The following TOM1L2 variants were observed in gnomAD, a reference collection of about 807,000 sequenced individuals.
TOM1L2 encodes target of myb1 like 2 membrane trafficking protein, also known as TOM1-like protein 2.
A neutral mutation model predicts 67.9 loss-of-function variants in TOM1L2; 31 were observed. The ratio of observed to expected loss-of-function variants is 0.46; its 90% CI spans 0.34 to 0.62. The LOEUF (loss-of-function observed/expected upper bound fraction) is 0.62, where lower values mean the gene tolerates loss of function less well. TOM1L2 is among the 20% of genes least tolerant of loss of function. The pLI is 0.01. For synonymous variants in TOM1L2, 256 were observed against 254.0 expected (o/e 1.01, Z -0.07); for missense variants, 606 against 663.5 (o/e 0.91, Z 0.95).
At chr17:17,866,727 G>T in intron 9 of TOM1L2, 149 bp downstream of exon 9, 1 of 871,240 alleles carries the variant, frequency 1.1e-6, no homozygotes, top group Non-Finnish European at 1.9e-6. Context: ...TGCTAGCTCT[G>T]CCCTAGTATC....
In TOM1L2 at chr17:17,843,643, C is replaced by T. The variant is rs969898424; in HGVS notation, c.*3992G>A. ...GGGTGCACTGACCCACCCTCCAGAA[C>T]CAGCTCTGCCCACAGAAACACATGA... is the stretch of plus-strand genomic sequence containing the variant. On this transcript the variant is annotated 3_prime_UTR_variant, in exon 15 of 15. Transcript: ENST00000379504. 2.0e-5 allele frequency: 3 copies of T among 152,208 alleles called. No homozygotes were observed. The highest frequency in any genetic ancestry group is 4.8e-5 in the African/African-American group (2 of 41,286). 9.4% of individuals were successfully genotyped at this position (152,208 alleles called of 1,614,324 possible).
chr17:17,857,979 C>G, intron 12 of TOM1L2: 1 of 812,416 alleles, frequency 1.2e-6, no homozygotes, highest in Non-Finnish European at 2.0e-6. Context: ...GCCCTGCTCC[C>G]AACCTCCACC....
intron 1 of TOM1L2, among the ~76,000 whole-genome samples, chr17:17,919,746 G>C (rs1270860801): frequency 1.3e-5 from 2 of 152,152 alleles, no homozygotes; most frequent in African/African-American, 4.8e-5. Context: ...CAAGGAAATG[G>C]CTCTCATTCT....
intron 7 of TOM1L2, 185 bp from the exon 8 acceptor site, chr17:17,869,658 G>A (rs1034005079): frequency 2.0e-5 from 28 of 1,382,572 alleles, no homozygotes; most frequent in African/African-American, 2.9e-5. Flanking sequence ...TCCTTCCGCA[G>A]AGGAAACAAG....
chr17:17,884,822 T>A, intron 4 of TOM1L2, 54 bp from the exon 5 acceptor site: 1 of 1,607,798 alleles, frequency 6.2e-7, no homozygotes, highest in Non-Finnish European at 8.5e-7. Flanking sequence ...CCATGGTATC[T>A]GAAAATCCAA....
intron 13 of TOM1L2, among the ~76,000 whole-genome samples, chr17:17,849,908 C>G (rs945006268): frequency 2.0e-5 from 3 of 152,220 alleles, no homozygotes; most frequent in Non-Finnish European, 4.4e-5. Context: ...AGGCAGCTGC[C>G]TTCTTTGGCA....
At chr17:17,893,921 C>T in intron 3 of TOM1L2, 111 bp from the exon 4 acceptor site, 1 of 1,150,502 alleles carries the variant, frequency 8.7e-7, no homozygotes, top group Non-Finnish European at 1.2e-6. Flanking sequence ...GCTCCTAGAT[C>T]AGCTTTCTGA....
In TOM1L2 at chr17:17,869,308, G is replaced by A. The variant is rs1276115376; in HGVS notation, c.911+32C>T. 371 of 1,517,064 alleles carry A rather than the reference G, an allele frequency of 2.4e-4. No homozygotes were observed. The African/African-American group carries it at 4.4e-3, about 18-fold the overall frequency. The allele number at this position is 1,517,064 out of a possible 1,614,324, so 94.0% of individuals were successfully genotyped here. A position where few individuals can be genotyped will look rare whatever the true frequency, so the allele number is the denominator to read the frequency against. ...TGTTATGGCAACAATCTTTTCAAGGGAAAAAAAAAAAAAAAGAAATCCGGC... is the reference window on the plus strand; with the variant it reads ...TGTTATGGCAACAATCTTTTCAAGGAAAAAAAAAAAAAAAAGAAATCCGGC... On this transcript the variant is annotated intron_variant, in intron 8 of 14. Transcript: ENST00000379504.
chr17:17,894,975 A>ATGCATGCATGCATGCATG (rs1555598777), intron 3 of TOM1L2, among the ~76,000 whole-genome samples: 7 of 147,690 alleles, frequency 4.7e-5, no homozygotes, highest in Non-Finnish European at 7.5e-5. Context: ...ATACATACAT[A>ATGCATGCATGCATGCATG]CATGCATGCA....
chr17:17,886,820 T>A lies in TOM1L2; in HGVS notation c.367-2052A>T, dbSNP rs28595155. 9.2e-3 allele frequency among the ~76,000 whole-genome samples: 1,400 copies of A among 152,278 alleles called. 20 individuals carry two copies. Among genetic ancestry groups the A allele is most frequent in the African/African-American group, 0.03 (1,231 of 41,490 alleles). On this transcript the variant is annotated intron_variant, in intron 4 of 14. Transcript: ENST00000379504. ...CTTTCTAAGGCACTCTGCTTCCATG[T>A]TCACAGAGACAGACTGGAGTGGGAG...
intron 2 of TOM1L2, among the ~76,000 whole-genome samples, chr17:17,901,589 T>C (rs1268971185): frequency 6.6e-6 from 1 of 152,182 alleles, no homozygotes; most frequent in Non-Finnish European, 1.5e-5. Flanking sequence ...GGAAAAGCTT[T>C]CTCCTCATCA....
intron 7 of TOM1L2, chr17:17,872,149 A>C: frequency 1.9e-6 from 1 of 523,148 alleles, no homozygotes; most frequent in Non-Finnish European, 2.5e-6. Flanking sequence ...AACCAACAAC[A>C]CAGGGGAAAC....
intron 7 of TOM1L2, among the ~76,000 whole-genome samples, chr17:17,878,123 T>C (rs1418794720): frequency 6.6e-6 from 1 of 152,212 alleles, no homozygotes; most frequent in African/African-American, 2.4e-5. Context: ...TGCATCTGGG[T>C]AACGCCTGGC....
intron 3 of TOM1L2, among the ~76,000 whole-genome samples, chr17:17,895,025 T>C (rs2038494317): frequency 6.6e-6 from 1 of 151,932 alleles, no homozygotes; most frequent in South Asian, 2.1e-4. Flanking sequence ...GTATCCTGCA[T>C]AGGGGAGGTG....
intron 1 of TOM1L2, 122 bp downstream of exon 1, chr17:17,972,140 G>A (rs1204551381): frequency 1.9e-5 from 23 of 1,236,834 alleles, no homozygotes; most frequent in Non-Finnish European, 2.4e-5. Context: ...AGTGGCACCC[G>A]CGGCTGGCGG....
At chr17:17,936,717 T>G (rs1470917617) in intron 1 of TOM1L2, among the ~76,000 whole-genome samples, 3 of 152,188 alleles carry the variant, frequency 2.0e-5, no homozygotes, top group Non-Finnish European at 4.4e-5. Flanking sequence ...TTATTCTATA[T>G]TAAGTGGGAA....
At chr17:17,927,403 CCTT>C (rs1180346197) in intron 1 of TOM1L2, among the ~76,000 whole-genome samples, 3 of 152,098 alleles carry the variant, frequency 2.0e-5, no homozygotes, top group African/African-American at 7.2e-5. Flanking sequence ...TCTCTTTATC[CCTT>C]CTTCTTTCCC....
intron 1 of TOM1L2, among the ~76,000 whole-genome samples, 190 bp downstream of exon 1, chr17:17,972,072 G>C (rs899451866): frequency 6.6e-6 from 1 of 151,910 alleles, no homozygotes; most frequent in Non-Finnish European, 1.5e-5. Context: ...GCCCGCCCGT[G>C]AGGTGGCACA....
intron 1 of TOM1L2, among the ~76,000 whole-genome samples, chr17:17,941,254 G>A (rs867857476): frequency 1.3e-5 from 2 of 152,172 alleles, no homozygotes; most frequent in South Asian, 2.1e-4. Flanking sequence ...CACTACTGCT[G>A]AGCAATTCCA....
Sources: gnomAD v4.1 joint callset for allele counts (sites outside exome capture counted in the v4.1 genomes callset) on GRCh38, gnomAD v4.1.1 for gene constraint, MANE v1.5 for transcripts, NCBI Gene and HGNC (gene_info 2026-07-23, HGNC 2026-07-21) for gene names.